Variants in ADGRL3 observed in about 807,000 individuals in gnomAD.
ADGRL3 encodes adhesion G protein-coupled receptor L3, also known as calcium-independent alpha-latrotoxin receptor 3.
In ADGRL3, 62 loss-of-function variants were observed where a neutral mutation model predicts 153.5. That is an observed-to-expected ratio of 0.40 (90% CI 0.33 to 0.50). The LOEUF is 0.50. Among genes scored for constraint, ADGRL3 ranks in the 20% least tolerant of loss-of-function variants. ADGRL3 has a pLI of 0.47. For synonymous variants in ADGRL3, 710 were observed against 672.5 expected, an observed-to-expected ratio of 1.06 and a Z score of -0.86; for missense variants, 1,641 against 1,859.4, an observed-to-expected ratio of 0.88 and a Z score of 2.16.
chr4:61,390,398 G>C (rs2096788959), intron 2 of ADGRL3, among the ~76,000 whole-genome samples: 1 of 152,122 alleles, frequency 6.6e-6, no homozygotes, highest in African/African-American at 2.4e-5. Flanking sequence ...ATTTCTGCCT[G>C]AATCAAGGAT....
At position 61,983,616 on chromosome 4, in the gene ADGRL3, T is replaced by A. The variant is rs769400319; in HGVS notation, c.3236+13T>A. 1 of 1,601,848 alleles carries A rather than the reference T, an allele frequency of 6.2e-7. No homozygotes were observed. The highest frequency in any genetic ancestry group is 1.7e-5 in the Admixed American group (1 of 59,290). On this transcript the variant is annotated intron_variant, in intron 19 of 26. Transcript: ENST00000683033. ...GAACAGATAAAGTGTAAGTTTATTG[T>A]TTTCTTTCTTTTTAAATCTAGGTGA...
intron 2 of ADGRL3, among the ~76,000 whole-genome samples, chr4:61,415,605 G>T: frequency 6.6e-6 from 1 of 151,952 alleles, no homozygotes; most frequent in East Asian, 1.9e-4. Flanking sequence ...GTTAATTTAT[G>T]TTAACTGTCA....
intron 6 of ADGRL3, among the ~76,000 whole-genome samples, chr4:61,724,767 A>G (rs983252231): frequency 2.0e-5 from 3 of 151,534 alleles, no homozygotes; most frequent in Non-Finnish European, 2.9e-5. Context: ...TGAACTTCAC[A>G]TTTTTTTTTA....
In ADGRL3 at chr4:61,998,205, A is replaced by T; in HGVS notation, c.3335A>T (p.Tyr1112Phe). The stretch of plus-strand genomic sequence containing the variant: ...GTAATCTTCCTTGGGATTGCTTTAT[A>T]TAAAATGTTTCATCATACTGCTATA... Reference protein sequence around the residue: ...LNVIFLGIALYKMFHHTAILK... With the variant: ...LNVIFLGIALFKMFHHTAILK... The change falls in exon 21 of 27, where the codon TAT (tyrosine) becomes TTT (phenylalanine). Residue 1112 changes from tyrosine (Y) to phenylalanine (F), a missense_variant. Transcript: ENST00000683033. 1 of 1,585,628 alleles carries T rather than the reference A, an allele frequency of 6.3e-7. No homozygotes were observed. The highest frequency in any genetic ancestry group is 8.6e-7 in the Non-Finnish European group (1 of 1,165,660).
intron 8 of ADGRL3, among the ~76,000 whole-genome samples, chr4:61,741,477 G>A (rs1181534350): frequency 6.6e-6 from 1 of 152,162 alleles, no homozygotes; most frequent in East Asian, 1.9e-4. Flanking sequence ...TCTTTCCAGT[G>A]CTGCTTCTTT....
chr4:61,795,412 C>T (rs536750633), intron 8 of ADGRL3, among the ~76,000 whole-genome samples: 1 of 152,078 alleles, frequency 6.6e-6, no homozygotes, highest in Non-Finnish European at 1.5e-5. Context: ...ACTCTGTGGG[C>T]CGCAACCTAT....
Position 61,318,162 on chromosome 4 carries a change from C to G in ADGRL3, c.-239-64962C>G, listed in dbSNP as rs539984614. On this transcript the variant is annotated intron_variant, in intron 1 of 26. Coordinates refer to ENST00000683033, the MANE Select transcript of ADGRL3 (RefSeq NM_001387552.1). ...TGAGCCAAGATTGCACCACTGCACT[C>G]TAGCCTGGGTGATAGAGTGAGAACC... is the stretch of plus-strand genomic sequence containing the variant. Among the ~76,000 whole-genome samples, 21 of 131,670 alleles carry G rather than the reference C, an allele frequency of 1.6e-4. No individual in the cohort carries two copies. In the East Asian group the frequency reaches 5.1e-3, roughly 32 times the overall value. The allele number at this position is 131,670 out of a possible 152,430, so 86.4% of individuals were successfully genotyped here. A position where few individuals can be genotyped will look rare whatever the true frequency, so the allele number is the denominator to read the frequency against.
chr4:61,873,877 T>A (rs1214662805), intron 9 of ADGRL3, among the ~76,000 whole-genome samples: 2 of 151,982 alleles, frequency 1.3e-5, no homozygotes, highest in Admixed American at 1.3e-4. Context: ...CTAAACATCC[T>A]ACAATGCAAA....
At chr4:61,489,800 A>G (rs2098238139) in intron 2 of ADGRL3, among the ~76,000 whole-genome samples, 1 of 152,078 alleles carries the variant, frequency 6.6e-6, no homozygotes, top group African/African-American at 2.4e-5. Flanking sequence ...ATGTTTGAAT[A>G]TTTAGGAGCA....
chr4:61,935,252 A>G (rs1352800765), intron 14 of ADGRL3, among the ~76,000 whole-genome samples: 1 of 152,184 alleles, frequency 6.6e-6, no homozygotes, highest in Non-Finnish European at 1.5e-5. Context: ...AAAATTGAAA[A>G]CATAGTAGCC....
chr4:61,670,882 TAAG>T (rs2094967923), intron 5 of ADGRL3, among the ~76,000 whole-genome samples: 1 of 152,188 alleles, frequency 6.6e-6, no homozygotes, highest in Non-Finnish European at 1.5e-5. Context: ...CATAGAATTA[TAAG>T]GAGTTCAGGG....
At chr4:61,714,411 C>T (rs2096066790) in intron 6 of ADGRL3, among the ~76,000 whole-genome samples, 1 of 152,154 alleles carries the variant, frequency 6.6e-6, no homozygotes, top group Non-Finnish European at 1.5e-5. Context: ...GCAGATGCCT[C>T]TGCACACATG....
intron 3 of ADGRL3, among the ~76,000 whole-genome samples, chr4:61,509,623 CGT>C (rs1039138527): frequency 6.6e-6 from 1 of 150,604 alleles, no homozygotes; most frequent in Non-Finnish European, 1.5e-5. Context: ...TGTGTGTGTG[CGT>C]GTGTATATAT....
At chr4:61,598,755 C>G (rs1370239635) in intron 5 of ADGRL3, among the ~76,000 whole-genome samples, 1 of 152,044 alleles carries the variant, frequency 6.6e-6, no homozygotes, top group Non-Finnish European at 1.5e-5. Flanking sequence ...AAAATGTTAT[C>G]TAATGGTTTA....
chr4:61,987,359 G>A (rs2150932529), intron 19 of ADGRL3, among the ~76,000 whole-genome samples: 1 of 151,856 alleles, frequency 6.6e-6, no homozygotes, highest in Admixed American at 6.6e-5. Context: ...TTTTTTAGTA[G>A]AGATGGGGTT....
chr4:61,546,317 C>A (rs115886517), intron 4 of ADGRL3, among the ~76,000 whole-genome samples: 2,118 of 152,276 alleles, frequency 0.014, 22 homozygotes, highest in Non-Finnish European at 0.022. Context: ...CTGTATTACA[C>A]CAGTGTGCTC....
At chr4:61,620,569 A>G (rs1391799029) in intron 5 of ADGRL3, among the ~76,000 whole-genome samples, 3 of 151,778 alleles carry the variant, frequency 2.0e-5, no homozygotes, top group Non-Finnish European at 2.9e-5. Flanking sequence ...CTTCTTAAAG[A>G]AGTAGACAAA....
intron 1 of ADGRL3, among the ~76,000 whole-genome samples, chr4:61,206,603 A>G (rs901822705): frequency 1.3e-5 from 2 of 152,184 alleles, no homozygotes; most frequent in Non-Finnish European, 2.9e-5. Context: ...GGCATATGTC[A>G]TATGTTCTTA....
chr4:61,794,925 A>G (rs746688082), intron 8 of ADGRL3, among the ~76,000 whole-genome samples: 3 of 152,218 alleles, frequency 2.0e-5, no homozygotes, highest in Non-Finnish European at 4.4e-5. Context: ...TTTCACAATT[A>G]CTTCTACATG....
Sources: allele counts gnomAD v4.1 joint callset (sites outside exome capture counted in the v4.1 genomes callset), GRCh38; gene constraint gnomAD v4.1.1; transcripts MANE v1.5; gene names NCBI Gene and HGNC (gene_info 2026-07-23, HGNC 2026-07-21).